Variants in THSD4 observed in about 807,000 individuals in gnomAD.
THSD4 encodes thrombospondin type-1 domain-containing protein 4.
THSD4 carries 69 observed loss-of-function variants against 119.0 expected under a neutral mutation model. That is an observed-to-expected ratio of 0.58 (90% CI 0.48 to 0.71). THSD4 has a LOEUF of 0.71. Among genes scored for constraint, THSD4 ranks in the 30% least tolerant of loss-of-function variants. The pLI, the probability that THSD4 is intolerant of heterozygous loss-of-function variation, is 0.00. For synonymous variants in THSD4, 524 were observed against 540.4 expected (o/e 0.97, Z 0.42); for missense variants, 1,393 against 1,391.1 (o/e 1.00, Z -0.02).
At chr15:71,292,853 T>G (rs1416674880) in intron 6 of THSD4, among the ~76,000 whole-genome samples, 1 of 152,052 alleles carries the variant, frequency 6.6e-6, no homozygotes, top group Non-Finnish European at 1.5e-5. Context: ...ATTTTTTGTA[T>G]TTTTAGTAGA....
At chr15:71,696,109 T>C (rs1367086391) in intron 8 of THSD4, among the ~76,000 whole-genome samples, 1 of 152,218 alleles carries the variant, frequency 6.6e-6, no homozygotes, top group Non-Finnish European at 1.5e-5. Context: ...TGGTACCTTT[T>C]CTTAGGCCAT....
chr15:71,244,150 A>G (rs1050262786), intron 5 of THSD4, among the ~76,000 whole-genome samples: 34 of 152,248 alleles, frequency 2.2e-4, no homozygotes, highest in East Asian at 1.9e-4. Flanking sequence ...TCTTCTCTTC[A>G]TTTTATAGTT....
intron 7 of THSD4, among the ~76,000 whole-genome samples, chr15:71,565,392 C>T (rs951691424): frequency 5.9e-5 from 9 of 152,190 alleles, no homozygotes; most frequent in Non-Finnish European, 1.2e-4. Context: ...CAGAGCAGAA[C>T]CAGGATTCAG....
At chr15:71,693,573 G>A (rs2052099599) in intron 8 of THSD4, among the ~76,000 whole-genome samples, 1 of 152,172 alleles carries the variant, frequency 6.6e-6, no homozygotes, top group African/African-American at 2.4e-5. Flanking sequence ...TTTGAGCCCA[G>A]GAGGTTGCAG....
At chr15:71,209,813 C>T (rs572780298) in intron 3 of THSD4, among the ~76,000 whole-genome samples, 31 of 152,164 alleles carry the variant, frequency 2.0e-4, no homozygotes, top group East Asian at 1.9e-3. Flanking sequence ...ATCATGGGGG[C>T]GGGTCTTTCC....
chr15:71,548,639 G>A (rs370789758), intron 7 of THSD4, among the ~76,000 whole-genome samples: 2 of 152,190 alleles, frequency 1.3e-5, no homozygotes, highest in Non-Finnish European at 2.9e-5. Flanking sequence ...CTGGGCCTGT[G>A]GGGGGATTGA....
At position 71,590,415 on chromosome 15, in the gene THSD4, G is replaced by A. The variant is rs529861538; in HGVS notation, c.1153-70115G>A. On this transcript the variant is annotated intron_variant, in intron 7 of 17. Coordinates refer to ENST00000261862, the MANE Select transcript of THSD4 (RefSeq NM_024817.3). ...ATGATCATGTCCTTTGCAGGAACAC[G>A]GATGGAGCTGGAAGCCATTATCCTC... Among the ~76,000 whole-genome samples, 9 of 137,422 alleles carry A rather than the reference G, an allele frequency of 6.5e-5. 2 individuals are homozygous for A. Among genetic ancestry groups the A allele is most frequent in the East Asian group, 6.3e-4 (3 of 4,732 alleles). 90.2% of individuals were successfully genotyped at this position (137,422 alleles called of 152,430 possible).
At chr15:71,709,032 C>G (rs567084605) in intron 8 of THSD4, among the ~76,000 whole-genome samples, 1 of 152,130 alleles carries the variant, frequency 6.6e-6, no homozygotes, top group East Asian at 1.9e-4. Flanking sequence ...GAGGTAGAGT[C>G]GCGTGGTGTA....
At chr15:71,544,753 T>C (rs2048811956) in intron 7 of THSD4, among the ~76,000 whole-genome samples, 1 of 152,156 alleles carries the variant, frequency 6.6e-6, no homozygotes, top group Non-Finnish European at 1.5e-5. Flanking sequence ...GTAGAAACAA[T>C]CCAAGTGTCC....
chr15:71,411,915 T>TC (rs1200530895), intron 7 of THSD4, 92 bp downstream of exon 7: 29 of 1,540,604 alleles, frequency 1.9e-5, no homozygotes, highest in Non-Finnish European at 2.5e-5. Context: ...GGCTGCTAGC[T>TC]CCCCCCAGCC....
chr15:71,699,063 T>TTAAAAATAAAAA (rs2052229151), intron 8 of THSD4, among the ~76,000 whole-genome samples: 1 of 152,168 alleles, frequency 6.6e-6, no homozygotes, highest in Non-Finnish European at 1.5e-5. Context: ...AGAGTAGACC[T>TTAAAAATAAAAA]TATTTTTAAG....
At position 71,471,424 on chromosome 15, in the gene THSD4, C is replaced by G. The variant is rs372325782; in HGVS notation, c.1152+59601C>G. On this transcript the variant is annotated intron_variant, in intron 7 of 17. Transcript: ENST00000261862. Reference sequence around the variant, plus strand: ...CTTTCTGTTTCATCTCTCCCACACCCCTCTTACTCACCTAGGCCAGCCCTG... The same window carrying G: ...CTTTCTGTTTCATCTCTCCCACACCGCTCTTACTCACCTAGGCCAGCCCTG... Among the ~76,000 whole-genome samples the G allele has an allele frequency of 2.6e-5, 4 of 152,016 alleles. No homozygotes were observed. In the East Asian group the frequency reaches 5.8e-4, roughly 22 times the overall value.
intron 6 of THSD4, among the ~76,000 whole-genome samples, chr15:71,309,815 A>G (rs1250878146): frequency 6.6e-6 from 1 of 152,160 alleles, no homozygotes; most frequent in Non-Finnish European, 1.5e-5. Context: ...TTCTTTCTTA[A>G]TAAAAAGATA....
At chr15:71,239,823 G>A (rs1287376154) in intron 4 of THSD4, among the ~76,000 whole-genome samples, 3 of 152,222 alleles carry the variant, frequency 2.0e-5, no homozygotes, top group East Asian at 1.9e-4. Flanking sequence ...TGTTGGAGAA[G>A]AGGCCATTCA....
intron 8 of THSD4, among the ~76,000 whole-genome samples, chr15:71,724,288 T>TATATATATATATATATATATATATATATA (rs1491162842): frequency 3.2e-4 from 10 of 31,456 alleles, no homozygotes; most frequent in Non-Finnish European, 1.5e-4. Flanking sequence ...TATATATATA[T>TATATATATATATATATATATATATATATA]TTTTTTTTTC....
chr15:71,491,863 C>T (rs144577795), intron 7 of THSD4, among the ~76,000 whole-genome samples: 191 of 151,398 alleles, frequency 1.3e-3, no homozygotes, highest in African/African-American at 3.9e-3. Flanking sequence ...AGTGAGGCCC[C>T]GTCTCAAAAA....
At chr15:71,321,521 G>A (rs2045268355) in intron 6 of THSD4, among the ~76,000 whole-genome samples, 1 of 152,178 alleles carries the variant, frequency 6.6e-6, no homozygotes, top group Non-Finnish European at 1.5e-5. Flanking sequence ...GGGCAACAGA[G>A]CGAGATTCCG....
chr15:71,627,471 G>A (rs1205112257), intron 7 of THSD4, among the ~76,000 whole-genome samples: 1 of 152,192 alleles, frequency 6.6e-6, no homozygotes, highest in African/African-American at 2.4e-5. Context: ...ACCATTGGCT[G>A]TAAATGGCAG....
At chr15:71,494,201 A>G (rs1290025780) in intron 7 of THSD4, among the ~76,000 whole-genome samples, 1 of 152,218 alleles carries the variant, frequency 6.6e-6, no homozygotes, top group African/African-American at 2.4e-5. Flanking sequence ...ATTTGCACTT[A>G]TTGTTTGTAT....
Sources: gnomAD v4.1 joint callset for allele counts (sites outside exome capture counted in the v4.1 genomes callset) on GRCh38, gnomAD v4.1.1 for gene constraint, MANE v1.5 for transcripts, NCBI Gene and HGNC (gene_info 2026-07-23, HGNC 2026-07-21) for gene names.